Variants in APBA1 observed in about 807,000 individuals in gnomAD.
APBA1 encodes amyloid-beta A4 precursor protein-binding family A member 1.
APBA1 carries 55 observed loss-of-function variants against 86.6 expected under a neutral mutation model. That is an observed-to-expected ratio of 0.64 (90% CI 0.51 to 0.80). The LOEUF (loss-of-function observed/expected upper bound fraction) is 0.80. Among genes scored for constraint, APBA1 ranks in the 30% least tolerant of loss-of-function variants. APBA1 has a pLI of 0.00. For synonymous variants in APBA1, 511 were observed against 493.9 expected, an observed-to-expected ratio of 1.03 and a Z score of -0.46; for missense variants, 1,090 against 1,183.0, an observed-to-expected ratio of 0.92 and a Z score of 1.15.
intron 1 of APBA1, among the ~76,000 whole-genome samples, chr9:69,548,594 G>A (rs1373178141): frequency 6.6e-6 from 1 of 152,178 alleles, no homozygotes; most frequent in Non-Finnish European, 1.5e-5. Flanking sequence ...ACGGACTGGA[G>A]GCCATTAAAG....
At chr9:69,444,730 G>T (rs1220403701) in intron 10 of APBA1, among the ~76,000 whole-genome samples, 1 of 152,220 alleles carries the variant, frequency 6.6e-6, no homozygotes, top group African/African-American at 2.4e-5. Context: ...CATTCATGCA[G>T]ATATTTTTAT....
intron 1 of APBA1, among the ~76,000 whole-genome samples, chr9:69,539,570 A>G (rs934867787): frequency 1.1e-4 from 16 of 152,080 alleles, no homozygotes; most frequent in Non-Finnish European, 1.6e-4. Context: ...TTGTCTTGAG[A>G]TTTCCAAAAT....
At chr9:69,644,571 G>GT (rs1389709907) in intron 1 of APBA1, among the ~76,000 whole-genome samples, 7 of 152,218 alleles carry the variant, frequency 4.6e-5, no homozygotes, top group African/African-American at 1.7e-4. Context: ...AGTCCCATTT[G>GT]TAAGAAGCCC....
At chr9:69,522,649 A>G (rs1204207413) in intron 1 of APBA1, among the ~76,000 whole-genome samples, 2 of 152,240 alleles carry the variant, frequency 1.3e-5, no homozygotes, top group Non-Finnish European at 2.9e-5. Flanking sequence ...CTCAAGATAC[A>G]AAAGCAGCCC....
intron 2 of APBA1, among the ~76,000 whole-genome samples, chr9:69,494,822 A>C (rs1835770496): frequency 1.3e-5 from 2 of 152,142 alleles, no homozygotes; most frequent in African/African-American, 2.4e-5. Flanking sequence ...CCTGCTAAGA[A>C]CAGTCATAGT....
rs1427132991 is a variant in APBA1, at chr9:69,541,261, C to CT, written c.-69-23983_-69-23982insA. ...TTAATTGTTTTAGGGACCCCCCCCC[C>CT]CATTCTGTTTTCTATATCAGCCGAA... On this transcript the variant is annotated intron_variant, in intron 1 of 12. Transcript: ENST00000265381. 6.8e-5 allele frequency among the ~76,000 whole-genome samples: 10 copies of CT among 147,300 alleles called. 1 individual carries two copies. In the South Asian group the frequency reaches 2.1e-3, roughly 30 times the overall value.
intron 1 of APBA1, among the ~76,000 whole-genome samples, chr9:69,601,079 G>C (rs1340217363): frequency 6.6e-6 from 1 of 151,984 alleles, no homozygotes; most frequent in Non-Finnish European, 1.5e-5. Context: ...ATGTGCAGCA[G>C]ATTCACATAT....
intron 2 of APBA1, among the ~76,000 whole-genome samples, chr9:69,504,762 C>G (rs1252985815): frequency 6.6e-6 from 1 of 151,982 alleles, no homozygotes; most frequent in Non-Finnish European, 1.5e-5. Context: ...CCCCAGGGCA[C>G]CTTGTTTCCA....
At chr9:69,654,752 C>CA in intron 1 of APBA1, among the ~76,000 whole-genome samples, 1 of 152,180 alleles carries the variant, frequency 6.6e-6, no homozygotes, top group South Asian at 2.1e-4. Flanking sequence ...ATACAACGAC[C>CA]AAAAAGAAAA....
chr9:69,561,464 T>C (rs1201527221), intron 1 of APBA1, among the ~76,000 whole-genome samples: 1 of 152,102 alleles, frequency 6.6e-6, no homozygotes, highest in African/African-American at 2.4e-5. Context: ...GGGCCTGAGT[T>C]AAACAATAAC....
At chr9:69,605,583 C>G (rs987653) in intron 1 of APBA1, among the ~76,000 whole-genome samples, 1 of 151,882 alleles carries the variant, frequency 6.6e-6, no homozygotes, top group African/African-American at 2.4e-5. Flanking sequence ...TGTTAGCTTA[C>G]GTTGTCATTT....
chr9:69,514,664 T>G (rs1270027885), intron 2 of APBA1, among the ~76,000 whole-genome samples: 2 of 151,940 alleles, frequency 1.3e-5, no homozygotes, highest in Non-Finnish European at 2.9e-5. Flanking sequence ...ATCCCAGCAC[T>G]TGGGGAGGCC....
chr9:69,628,316 C>G (rs1164844538), intron 1 of APBA1, among the ~76,000 whole-genome samples: 1 of 152,112 alleles, frequency 6.6e-6, no homozygotes, highest in Non-Finnish European at 1.5e-5. Context: ...TGACCTGTGC[C>G]CAGACTCTTG....
At chr9:69,590,129 C>T (rs1822102092) in intron 1 of APBA1, among the ~76,000 whole-genome samples, 1 of 152,204 alleles carries the variant, frequency 6.6e-6, no homozygotes, top group East Asian at 1.9e-4. Flanking sequence ...TATCCCTGTG[C>T]TCATTCCTCT....
intron 1 of APBA1, among the ~76,000 whole-genome samples, chr9:69,562,149 A>AT (rs1314943097): frequency 6.6e-6 from 1 of 152,086 alleles, no homozygotes; most frequent in East Asian, 1.9e-4. Context: ...AATTATCCTG[A>AT]TTTTATCATT....
At position 69,481,501 on chromosome 9, in the gene APBA1, C is replaced by T. The variant is rs909257715; in HGVS notation, c.1201-5358G>A. On this transcript the variant is annotated intron_variant, in intron 2 of 12. Coordinates refer to ENST00000265381, the MANE Select transcript of APBA1 (RefSeq NM_001163.4). ...CAAACAAATGGAAGAACATTCCATG[C>T]TCATGGGTAGGAAGAATCAATATCG... Among the ~76,000 whole-genome samples, 7 of 151,968 alleles carry T rather than the reference C, an allele frequency of 4.6e-5. No individual in the cohort carries two copies. The East Asian group carries it at 1.2e-3, about 25-fold the overall frequency.
chr9:69,485,220 A>G (rs990421431), intron 2 of APBA1, among the ~76,000 whole-genome samples: 1 of 151,996 alleles, frequency 6.6e-6, no homozygotes, highest in African/African-American at 2.4e-5. Context: ...ATGAGAGAGG[A>G]CCCTGTCTAA....
intron 2 of APBA1, among the ~76,000 whole-genome samples, chr9:69,513,714 C>T (rs978391906): frequency 6.6e-6 from 1 of 152,192 alleles, no homozygotes; most frequent in African/African-American, 2.4e-5. Flanking sequence ...AGTTCCCTTC[C>T]CTACTGGTTT....
intron 1 of APBA1, among the ~76,000 whole-genome samples, chr9:69,660,248 C>T (rs546275118): frequency 1.1e-3 from 170 of 152,288 alleles, no homozygotes; most frequent in Admixed American, 2.8e-3. Flanking sequence ...CATGATTCCT[C>T]AATACATGGT....
Sources: gnomAD v4.1 joint callset for allele counts (sites outside exome capture counted in the v4.1 genomes callset) on GRCh38, gnomAD v4.1.1 for gene constraint, MANE v1.5 for transcripts, NCBI Gene and HGNC (gene_info 2026-07-23, HGNC 2026-07-21) for gene names.